SCUBE1: variants seen among roughly 807,000 people sequenced by gnomAD.
The protein encoded by SCUBE1 is signal peptide, CUB and EGF-like domain-containing protein 1.
SCUBE1 carries 59 observed loss-of-function variants against 124.4 expected under a neutral mutation model. That is an observed-to-expected ratio of 0.47 (90% CI 0.38 to 0.59). The LOEUF (loss-of-function observed/expected upper bound fraction) is 0.59. Among genes scored for constraint, SCUBE1 ranks in the 20% least tolerant of loss-of-function variants. The pLI, the probability that SCUBE1 is intolerant of heterozygous loss-of-function variation, is 0.00. For missense variants in SCUBE1, 1,150 were observed against 1,371.2 expected (o/e 0.84, Z 2.55); for synonymous variants, 545 against 550.9 (o/e 0.99, Z 0.15).
At chr22:43,321,980 AT>A (rs1396327038) in intron 2 of SCUBE1, among the ~76,000 whole-genome samples, 1 of 151,932 alleles carries the variant, frequency 6.6e-6, no homozygotes, top group Admixed American at 6.6e-5. Context: ...CATAGATTTT[AT>A]TTTATTTATT....
At chr22:43,289,428 G>A (rs1230670101) in intron 4 of SCUBE1, among the ~76,000 whole-genome samples, 1 of 152,224 alleles carries the variant, frequency 6.6e-6, no homozygotes, top group Non-Finnish European at 1.5e-5. Flanking sequence ...CAAGTGCCAG[G>A]AGCCACGGAG....
At chr22:43,254,438 G>A (rs903455387) in intron 6 of SCUBE1, among the ~76,000 whole-genome samples, 3 of 152,208 alleles carry the variant, frequency 2.0e-5, no homozygotes, top group African/African-American at 7.2e-5. Context: ...AGGTCCGCAT[G>A]AGGGCCACGA....
chr22:43,341,110 C>T (rs1433357579), intron 1 of SCUBE1, among the ~76,000 whole-genome samples: 2 of 152,286 alleles, frequency 1.3e-5, no homozygotes, highest in East Asian at 1.9e-4. Context: ...CATGCATGCA[C>T]GTGTGCGCAC....
rs1310351349 is a variant in SCUBE1 at position 43,281,599 on chromosome 22, TCCTGTCACCTCCTCCTCAGCAAC to T, written c.484+9424_484+9446del. ...CTGTCACCTCCCTTCTCAGCCACCC[TCCTGTCACCTCCTCCTCAGCAAC>T]CCTGTCACCTCCCCTGGCCATCCTC... On this transcript the variant is annotated intron_variant, in intron 4 of 21. Transcript: ENST00000360835. 6.9e-5 allele frequency among the ~76,000 whole-genome samples: 10 copies of T among 145,728 alleles called. No individual in the cohort carries two copies. In the South Asian group the frequency reaches 8.8e-4, roughly 13 times the overall value.
At chr22:43,228,515 G>C (rs556119039) in intron 9 of SCUBE1, among the ~76,000 whole-genome samples, 1 of 152,124 alleles carries the variant, frequency 6.6e-6, no homozygotes, top group Non-Finnish European at 1.5e-5. Context: ...ACTCCCCTGC[G>C]GGCTCACGCA....
chr22:43,237,110 G>C (rs567045946), intron 7 of SCUBE1, among the ~76,000 whole-genome samples: 6 of 152,024 alleles, frequency 3.9e-5, no homozygotes, highest in Admixed American at 2.6e-4. Flanking sequence ...GGTGGGGTGG[G>C]GGGGGTTGGG....
At chr22:43,283,238 T>C (rs1924997889) in intron 4 of SCUBE1, 1 of 152,158 alleles carries the variant, frequency 6.6e-6, no homozygotes, top group South Asian at 2.1e-4. Context: ...ATGGGGGTGG[T>C]TGTGATTCCT....
intron 4 of SCUBE1, among the ~76,000 whole-genome samples, chr22:43,266,488 G>A (rs1043317787): frequency 5.3e-5 from 8 of 152,182 alleles, no homozygotes; most frequent in East Asian, 3.8e-4. Context: ...GATAGGCTCC[G>A]TGGCTGGCGG....
chr22:43,210,005 G>C lies in SCUBE1; in HGVS notation c.2581+38C>G, dbSNP rs746060080. The C allele has an allele frequency of 6.4e-7, 1 of 1,556,898 alleles. No homozygotes were observed. Among genetic ancestry groups the C allele is most frequent in the Non-Finnish European group, 8.7e-7 (1 of 1,148,256 alleles). On this transcript the variant is annotated intron_variant, in intron 19 of 21. Transcript: ENST00000360835. The surrounding 1 kb of genome is among the most constrained non-coding windows in gnomAD (Gnocchi z 4.5). ...GCAGCGAGACGGGGGTGCACACGCA[G>C]CTGAGGCTGCCTCTGGTCCCCTCGG...
chr22:43,230,938 C>T (rs932674759), intron 8 of SCUBE1, among the ~76,000 whole-genome samples: 2 of 152,316 alleles, frequency 1.3e-5, no homozygotes, highest in African/African-American at 2.4e-5. Flanking sequence ...ACATGCTGCC[C>T]GCAACTGCTG....
chr22:43,229,614 C>A (rs1462392803), intron 8 of SCUBE1, among the ~76,000 whole-genome samples: 1 of 152,130 alleles, frequency 6.6e-6, no homozygotes, highest in Non-Finnish European at 1.5e-5. Context: ...CTCTTGGATG[C>A]TGACCAAAGC....
Position 43,238,899 on chromosome 22 carries a change from A to G in SCUBE1, c.783T>C (p.Thr261=). The G allele has an allele frequency of 6.2e-7, 1 of 1,613,164 alleles. No individual in the cohort carries two copies. Among genetic ancestry groups the G allele is most frequent in the South Asian group, 1.1e-5 (1 of 91,086 alleles). The part of the protein sequence containing the change: ...GCDRTCKDTA[T]GVRCSCPVGF... ...CAACGGGGCAGCTGCATCGCACGCC[A>G]GTGGCTGTGTCCTTGCATGTCCGGT... is the stretch of plus-strand genomic sequence containing the variant. The change falls in exon 7 of 22, where the codon ACT becomes ACC. Residue 261 remains threonine, a synonymous_variant. Coordinates refer to ENST00000360835, the MANE Select transcript of SCUBE1 (RefSeq NM_173050.5).
chr22:43,233,271 G>A (rs1357943044), intron 7 of SCUBE1, among the ~76,000 whole-genome samples: 2 of 152,220 alleles, frequency 1.3e-5, no homozygotes, highest in Admixed American at 1.3e-4. Context: ...AGCTGAGGCA[G>A]GAGAATCGCT....
chr22:43,283,548 C>T (rs1016211173), intron 4 of SCUBE1: 1 of 152,222 alleles, frequency 6.6e-6, no homozygotes, highest in Non-Finnish European at 1.5e-5. Context: ...ATAGTATCTC[C>T]TTTCATTCTC....
intron 3 of SCUBE1, among the ~76,000 whole-genome samples, chr22:43,293,258 C>T (rs1445089976): frequency 9.2e-5 from 14 of 152,342 alleles, no homozygotes; most frequent in Admixed American, 8.5e-4. Flanking sequence ...ATGTGTTAGG[C>T]GCAGGCCCAC....
Position 43,232,009 on chromosome 22 carries a change from CT to C in SCUBE1, c.845-135del. 3 of 1,048,588 alleles carry C rather than the reference CT, an allele frequency of 2.9e-6. No individual in the cohort carries two copies. In the East Asian group the frequency reaches 7.8e-5, roughly 27 times the overall value. 65.0% of individuals were successfully genotyped at this position (1,048,588 alleles called of 1,614,324 possible). A position where few individuals can be genotyped will look rare whatever the true frequency, so the allele number is the denominator to read the frequency against. ...TGGTGCCCACTTCCCAAGCTGGCTG[CT>C]GGCTCCCCAGCTGTGCAGAGGGGTG... On this transcript the variant is annotated intron_variant, in intron 7 of 21. Transcript: ENST00000360835.
At chr22:43,324,421 C>T (rs975499671) in intron 2 of SCUBE1, among the ~76,000 whole-genome samples, 1 of 152,190 alleles carries the variant, frequency 6.6e-6, no homozygotes, top group Non-Finnish European at 1.5e-5. Context: ...TCAGAACAAC[C>T]AGTTCCTCTC....
chr22:43,202,788 AGAG>A lies in SCUBE1; in HGVS notation c.*1206_*1208del, dbSNP rs1013770618. ...TGAATGGGGGTGGCATGGCGTAGCAAGAGGAGGCTGCACTGGGAGCCTGGCCTC... is the reference window on the plus strand; with the variant it reads ...TGAATGGGGGTGGCATGGCGTAGCAAGAGGCTGCACTGGGAGCCTGGCCTC... On this transcript the variant is annotated 3_prime_UTR_variant, in exon 22 of 22. Coordinates refer to ENST00000360835, the MANE Select transcript of SCUBE1 (RefSeq NM_173050.5). The A allele has an allele frequency of 1.3e-5, 2 of 152,266 alleles. No homozygotes were observed. Among genetic ancestry groups the A allele is most frequent in the African/African-American group, 2.4e-5 (1 of 41,436 alleles). 9.4% of individuals were successfully genotyped at this position (152,266 alleles called of 1,614,324 possible). A position where few individuals can be genotyped will look rare whatever the true frequency, so the allele number is the denominator to read the frequency against.
Position 43,258,162 on chromosome 22 carries a change from A to T in SCUBE1, c.727+57T>A. 2.0e-6 allele frequency: 2 copies of T among 975,630 alleles called. No individual in the cohort carries two copies. The highest frequency in any genetic ancestry group is 2.5e-5 in the South Asian group (2 of 78,606). The allele number at this position is 975,630 out of a possible 1,614,324, so 60.4% of individuals were successfully genotyped here. A position where few individuals can be genotyped will look rare whatever the true frequency, so the allele number is the denominator to read the frequency against. On this transcript the variant is annotated intron_variant, in intron 6 of 21. Coordinates refer to ENST00000360835, the MANE Select transcript of SCUBE1 (RefSeq NM_173050.5). This position sits in a 1 kb window ranked among gnomAD's most constrained non-coding sequence, Gnocchi z 5.0. ...GGGTGCTGGCCCTGCTGGTGCACGCATGGGGGGTCGGGGGCGGGGGGCGCA... is the reference window on the plus strand; with the variant it reads ...GGGTGCTGGCCCTGCTGGTGCACGCTTGGGGGGTCGGGGGCGGGGGGCGCA...
Sources: allele counts gnomAD v4.1 joint callset (sites outside exome capture counted in the v4.1 genomes callset), GRCh38; gene constraint gnomAD v4.1.1; non-coding constraint Gnocchi (gnomAD v3.1); transcripts MANE v1.5; gene names NCBI Gene and HGNC (gene_info 2026-07-23, HGNC 2026-07-21).